The following EPHA6 variants were observed in gnomAD, a reference collection of about 807,000 sequenced individuals.
The protein encoded by EPHA6 is EPH receptor A6.
EPHA6 carries 50 observed loss-of-function variants against 112.0 expected under a neutral mutation model. The observed-to-expected ratio is 0.45, with a 90% CI of 0.36 to 0.56. The LOEUF (loss-of-function observed/expected upper bound fraction) is 0.56. EPHA6 is among the 20% of genes least tolerant of loss of function. The probability of loss-of-function intolerance (pLI) is 0.00; values close to 1 mark genes in which losing one functional copy is unlikely to be tolerated. For missense variants in EPHA6, 1,280 were observed against 1,417.4 expected, an observed-to-expected ratio of 0.90 and a Z score of 1.56; for synonymous variants, 529 against 490.7, an observed-to-expected ratio of 1.08 and a Z score of -1.03.
chr3:96,840,250 G>C (rs2034656884), intron 1 of EPHA6, among the ~76,000 whole-genome samples: 1 of 152,046 alleles, frequency 6.6e-6, no homozygotes, highest in South Asian at 2.1e-4. Context: ...CTGGTAACCA[G>C]ATACCCAACT....
chr3:97,530,969 T>G (rs544658385), intron 10 of EPHA6, among the ~76,000 whole-genome samples: 4 of 152,186 alleles, frequency 2.6e-5, no homozygotes, highest in Admixed American at 1.3e-4. Flanking sequence ...AATTCGATAT[T>G]CTATGCTTAA....
chr3:97,647,514 A>T (rs1246992674), intron 14 of EPHA6, among the ~76,000 whole-genome samples: 1 of 152,164 alleles, frequency 6.6e-6, no homozygotes, highest in Non-Finnish European at 1.5e-5. Context: ...CAAAAATAGG[A>T]TTTAGATGAG....
rs537846724 is a variant in EPHA6, at chr3:97,402,103, G to C, written c.1607-3047G>C. Among the ~76,000 whole-genome samples the C allele has an allele frequency of 3.0e-4, 45 of 152,176 alleles. No individual in the cohort carries two copies. In the South Asian group the frequency reaches 9.1e-3, roughly 31 times the overall value. ...TGGTCTATTCTGGAGAATGTTCCAT[G>C]TGTATGAGAAGAATGTGTATTCTTC... On this transcript the variant is annotated intron_variant, in intron 5 of 17. Transcript: ENST00000389672.
Position 97,447,678 on chromosome 3 carries a change from G to A in EPHA6, c.1732-890G>A, listed in dbSNP as rs1479532491. 5 of 694,980 alleles carry A rather than the reference G, an allele frequency of 7.2e-6. No individual in the cohort carries two copies. In the African/African-American group the frequency reaches 7.7e-5, roughly 11 times the overall value. The allele number at this position is 694,980 out of a possible 1,614,324, so 43.1% of individuals were successfully genotyped here. On this transcript the variant is annotated intron_variant, in intron 6 of 17. Coordinates refer to ENST00000389672, the MANE Select transcript of EPHA6 (RefSeq NM_001080448.3). ...AAATGAACTGTCCTGTTCTGAGATA[G>A]TGGGCAAGAGAGACCATGTAACAAA...
At chr3:97,283,565 G>A (rs1559850856) in intron 5 of EPHA6, among the ~76,000 whole-genome samples, 1 of 151,970 alleles carries the variant, frequency 6.6e-6, no homozygotes. Context: ...AATATTAAAT[G>A]TTGCTAAACA....
At chr3:97,585,519 T>C (rs1466144278) in intron 11 of EPHA6, among the ~76,000 whole-genome samples, 1 of 152,198 alleles carries the variant, frequency 6.6e-6, no homozygotes, top group African/African-American at 2.4e-5. Flanking sequence ...GCCATGAAAC[T>C]GCACTTTTTG....
chr3:97,248,196 A>T (rs1369311390), intron 5 of EPHA6, among the ~76,000 whole-genome samples: 1 of 152,058 alleles, frequency 6.6e-6, no homozygotes, highest in East Asian at 1.9e-4. Context: ...TGAAGTTAAA[A>T]CTATGACTTT....
chr3:97,143,260 A>C (rs1576564119), intron 3 of EPHA6, among the ~76,000 whole-genome samples: 1 of 151,484 alleles, frequency 6.6e-6, no homozygotes, highest in South Asian at 2.1e-4. Flanking sequence ...GGCACCTAGA[A>C]CCCCAAACTT....
chr3:97,410,215 T>G (rs1211190502), intron 6 of EPHA6, among the ~76,000 whole-genome samples: 2 of 152,094 alleles, frequency 1.3e-5, no homozygotes, highest in African/African-American at 2.4e-5. Context: ...TTTCTCAATA[T>G]AGTTTTTCCA....
At chr3:97,640,302 T>G (rs964631270) in intron 14 of EPHA6, among the ~76,000 whole-genome samples, 1 of 152,132 alleles carries the variant, frequency 6.6e-6, no homozygotes, top group Non-Finnish European at 1.5e-5. Flanking sequence ...TGAATGGGCC[T>G]ATCGATGAAA....
chr3:97,228,539 G>GTGTA (rs1312112951), intron 4 of EPHA6, among the ~76,000 whole-genome samples: 6 of 145,998 alleles, frequency 4.1e-5, no homozygotes, highest in South Asian at 2.2e-4. Context: ...GTGTGTGTGT[G>GTGTA]TATATATATA....
chr3:97,193,722 G>A (rs1402332569), intron 3 of EPHA6, among the ~76,000 whole-genome samples: 1 of 151,934 alleles, frequency 6.6e-6, no homozygotes, highest in African/African-American at 2.4e-5. Flanking sequence ...CCAGATCTTA[G>A]AGGAGAGGCC....
chr3:97,692,476 G>T (rs1215160760), intron 14 of EPHA6, among the ~76,000 whole-genome samples: 1 of 151,996 alleles, frequency 6.6e-6, no homozygotes, highest in Non-Finnish European at 1.5e-5. Flanking sequence ...TGGTACAGTT[G>T]CCAGAAATGT....
intron 2 of EPHA6, among the ~76,000 whole-genome samples, chr3:96,974,170 C>T (rs1375352103): frequency 1.4e-5 from 2 of 145,118 alleles, no homozygotes; most frequent in African/African-American, 2.5e-5. Context: ...AATTGTATTA[C>T]ACTTATAATA....
chr3:96,899,824 G>A (rs914129374), intron 2 of EPHA6, among the ~76,000 whole-genome samples: 9 of 152,018 alleles, frequency 5.9e-5, no homozygotes, highest in African/African-American at 2.2e-4. Context: ...AAAAACATAG[G>A]GATTTTGGAA....
At chr3:97,296,965 A>G (rs1158460973) in intron 5 of EPHA6, among the ~76,000 whole-genome samples, 1 of 152,262 alleles carries the variant, frequency 6.6e-6, no homozygotes, top group Admixed American at 6.5e-5. Flanking sequence ...GGCCCCAGAG[A>G]AGAATGCAGT....
chr3:97,105,280 T>C (rs2047530537), intron 3 of EPHA6, among the ~76,000 whole-genome samples: 1 of 152,088 alleles, frequency 6.6e-6, no homozygotes, highest in African/African-American at 2.4e-5. Context: ...GCTATAAACG[T>C]CCCTCTTAAC....
intron 1 of EPHA6, among the ~76,000 whole-genome samples, chr3:96,834,844 C>G (rs992592414): frequency 1.3e-5 from 2 of 151,732 alleles, no homozygotes; most frequent in African/African-American, 2.4e-5. Flanking sequence ...AATTATCTAT[C>G]GAATAGCAAA....
chr3:97,417,133 A>G (rs539011867), intron 6 of EPHA6, among the ~76,000 whole-genome samples: 1 of 152,242 alleles, frequency 6.6e-6, no homozygotes, highest in South Asian at 2.1e-4. Flanking sequence ...AAACAATTAT[A>G]CTCCTGATAT....
Sources: gnomAD v4.1 joint callset for allele counts (sites outside exome capture counted in the v4.1 genomes callset) on GRCh38, gnomAD v4.1.1 for gene constraint, MANE v1.5 for transcripts, NCBI Gene and HGNC (gene_info 2026-07-23, HGNC 2026-07-21) for gene names.